FUS: variants seen among roughly 807,000 people sequenced by gnomAD.
The protein encoded by FUS is FUS RNA binding protein.
FUS carries 5 observed loss-of-function variants against 82.7 expected under a neutral mutation model. The ratio of observed to expected loss-of-function variants is 0.06; its 90% CI spans 0.03 to 0.13. FUS has a LOEUF of 0.13. Among genes scored for constraint, FUS ranks in the 10% least tolerant of loss-of-function variants. The pLI is 1.00. For missense variants in FUS, 512 were observed against 707.8 expected, an observed-to-expected ratio of 0.72 and a Z score of 3.14; for synonymous variants, 281 against 247.4, an observed-to-expected ratio of 1.14 and a Z score of -1.27.
At chr16:31,186,265 C>A (rs893764219) in intron 6 of FUS, 2 of 264,054 alleles carry the variant, frequency 7.6e-6, no homozygotes, top group Non-Finnish European at 1.5e-5. Context: ...AGATCAAAAA[C>A]AGCTCAGTAG....
chr16:31,183,981 C>T lies in FUS; in HGVS notation c.314C>T (p.Ala105Val), dbSNP rs1421492308. ...SSYPGYGQQP[A>V]PSSTSGSYGS... is the part of the protein sequence containing the mutation. The stretch of plus-strand genomic sequence containing the variant: ...TACCCTGGCTATGGCCAGCAGCCAG[C>T]TCCCAGCAGCACCTCGGGAAGGTAC... Residue 105 changes from alanine (A) to valine (V), a missense_variant, in exon 4 of 15, where the codon GCT (alanine) becomes GTT (valine). Coordinates refer to ENST00000254108, the MANE Select transcript of FUS (RefSeq NM_004960.4). 6.8e-6 allele frequency: 11 copies of T among 1,614,132 alleles called. No homozygotes were observed. The highest frequency in any genetic ancestry group is 9.3e-6 in the Non-Finnish European group (11 of 1,180,024).
chr16:31,194,154 C>CA (rs1359030258), downstream of FUS: 12 of 531,730 alleles, frequency 2.3e-5, no homozygotes, highest in Non-Finnish European at 3.6e-5. Flanking sequence ...TCCTGGGTTT[C>CA]AGTACTTGGA....
chr16:31,184,274 C>G lies in FUS; in HGVS notation c.401C>G (p.Pro134Arg). The change falls in exon 5 of 15, where the codon CCT (proline) becomes CGT (arginine). Residue 134 changes from proline to arginine, a missense_variant. Physicochemically the swap from Pro to Arg is moderately radical, Grantham distance 103. Around this residue, in one of 6 missense-constraint regions of FUS, gnomAD observed 276 missense variants for 303.3 expected, o/e 0.91. Transcript: ENST00000254108. ...QPQSGSYSQQPSYGGQQQSYG... is the reference protein window; with the variant it reads ...QPQSGSYSQQRSYGGQQQSYG... ...CAGAGTGGGAGCTACAGCCAGCAGC[C>G]TAGCTATGGTGGACAGCAGCAAAGC... 6.2e-7 allele frequency: 1 copy of G among 1,614,052 alleles called. No homozygotes were observed.
intron 14 of FUS, 93 bp from the exon 15 acceptor site, chr16:31,191,306 G>A (rs72550885): frequency 7.1e-6 from 11 of 1,540,848 alleles, no homozygotes; most frequent in Non-Finnish European, 9.9e-6. Context: ...ATACTCGCTG[G>A]GTTAGGTAGG....
rs752123835 is a variant in FUS at position 31,190,410 on chromosome 16, T to G, written c.1292+12T>G. ...AAGTGTCCTAATCCGTGAGTGAAAC[T>G]TAATTTTTTTCTTAGTTCTCTTGCA... On this transcript the variant is annotated intron_variant, in intron 12 of 14. Transcript: ENST00000254108. 17 of 1,613,996 alleles carry G rather than the reference T, an allele frequency of 1.1e-5. No homozygotes were observed. The highest frequency in any genetic ancestry group is 1.4e-5 in the Non-Finnish European group (17 of 1,180,014).
rs764194698 is a variant in FUS at position 31,184,251 on chromosome 16, G to A, written c.378G>A (p.Gln126=). ...AGAGCAGCAGCTATGGGCAGCCCCA[G>A]AGTGGGAGCTACAGCCAGCAGCCTA... The part of the protein sequence containing the change: ...SSQSSSYGQP[Q]SGSYSQQPSY... The change falls in exon 5 of 15, where the codon CAG becomes CAA. Residue 126 remains glutamine (Q), a synonymous_variant. Transcript: ENST00000254108. The A allele has an allele frequency of 2.2e-5, 35 of 1,614,152 alleles. 1 individual carries two copies. The South Asian group carries it at 3.7e-4, about 17-fold the overall frequency.
intron 3 of FUS, 128 bp from the exon 4 acceptor site, chr16:31,183,730 T>A: frequency 8.8e-7 from 1 of 1,140,498 alleles, no homozygotes; most frequent in Non-Finnish European, 1.3e-6. Flanking sequence ...TGCCTATGAG[T>A]TGCAACATCA....
downstream of FUS, chr16:31,194,463 T>A (rs1156799783): frequency 8.0e-6 from 4 of 501,212 alleles, no homozygotes; most frequent in East Asian, 4.5e-5. Flanking sequence ...CTGGCTAATT[T>A]TTTTTTGTAT....
At chr16:31,192,266 GC>G, downstream of FUS, 1 of 526,776 alleles carries the variant, frequency 1.9e-6, no homozygotes. Flanking sequence ...AGGGTGGAAG[GC>G]CCTCCTAAGG....
At chr16:31,190,449 A>T (rs778655362) in intron 12 of FUS, 51 bp downstream of exon 12, 2 of 1,612,554 alleles carry the variant, frequency 1.2e-6, no homozygotes, top group Non-Finnish European at 1.7e-6. Flanking sequence ...GTGCTCTTTG[A>T]TATATTGGTA....
rs376953672 is a variant in FUS at position 31,189,106 on chromosome 16, C to T, written c.833-17C>T. The T allele has an allele frequency of 8.6e-5, 136 of 1,582,380 alleles. No homozygotes were observed. The highest frequency in any genetic ancestry group is 1.7e-4 in the Middle Eastern group (1 of 6,020). On this transcript the variant is annotated splice_polypyrimidine_tract_variant and intron_variant, in intron 8 of 14. Coordinates refer to ENST00000254108, the MANE Select transcript of FUS (RefSeq NM_004960.4). The stretch of plus-strand genomic sequence containing the variant: ...TTTTACCTTTTCACATTTGCATTTT[C>T]TCTGTTCAACAAGCAGAACAGGATA...
chr16:31,188,437 A>G, intron 8 of FUS, 80 bp downstream of exon 8: 1 of 1,478,022 alleles, frequency 6.8e-7, no homozygotes, highest in Non-Finnish European at 9.4e-7. Flanking sequence ...AACTATTATA[A>G]AAAGGAAACT....
chr16:31,193,641 G>C (rs1000688424), downstream of FUS: 2 of 529,988 alleles, frequency 3.8e-6, no homozygotes, highest in Non-Finnish European at 7.3e-6. Context: ...AGGGTCCCAG[G>C]TGACTGTTTA....
At chr16:31,186,463 T>C (rs2079271057) in intron 6 of FUS, 1 of 444,134 alleles carries the variant, frequency 2.3e-6, no homozygotes, top group Non-Finnish European at 4.1e-6. Context: ...TTAAACCAAC[T>C]ACTTGGTTGT....
chr16:31,184,029 G>C (rs1198922212), intron 4 of FUS, 27 bp downstream of exon 4: 15 of 1,613,906 alleles, frequency 9.3e-6, no homozygotes, highest in African/African-American at 6.7e-5. Flanking sequence ...GTCGGGGAAG[G>C]CTTGAAAAGA....
chr16:31,187,613 C>T, intron 7 of FUS: 1 of 231,444 alleles, frequency 4.3e-6, no homozygotes, highest in African/African-American at 2.2e-5. Flanking sequence ...AGATTTAAAG[C>T]CAAAGGTGTG....
At chr16:31,185,335 C>A in intron 6 of FUS, 156 bp downstream of exon 6, 1 of 885,860 alleles carries the variant, frequency 1.1e-6, no homozygotes, top group Non-Finnish European at 1.7e-6. Flanking sequence ...CTTTTTACAT[C>A]CCCATTTTAT....
In FUS at chr16:31,190,965, G is replaced by A. The variant is rs747547178; in HGVS notation, c.1396G>A (p.Gly466Ser). Residue 466 changes from glycine (G) to serine (S), a missense_variant and splice_region_variant, in exon 14 of 15, where the codon GGT becomes AGT. By Grantham distance (56) the Gly-to-Ser change is moderately conservative. Around this residue, in one of 6 missense-constraint regions of FUS, gnomAD observed 96 missense variants for 120.7 expected, o/e 0.80. Transcript: ENST00000254108. ...GGGPGGSHMGGNYGDDRRGGR... is the reference protein window; with the variant it reads ...GGGPGGSHMGSNYGDDRRGGR... Reference sequence around the variant, plus strand: ...AGATCTTGTTTCTTTTGTCCTAGGGGGTAACTACGGGGATGATCGTCGTGG... The same window carrying A: ...AGATCTTGTTTCTTTTGTCCTAGGGAGTAACTACGGGGATGATCGTCGTGG... 2.7e-5 allele frequency: 43 copies of A among 1,612,420 alleles called. No homozygotes were observed. The highest frequency in any genetic ancestry group is 3.1e-5 in the Non-Finnish European group (37 of 1,178,930).
chr16:31,183,563 C>T (rs2079213106), intron 3 of FUS: 1 of 439,826 alleles, frequency 2.3e-6, no homozygotes, highest in South Asian at 2.1e-5. Context: ...CGCACAGCTG[C>T]ATATTACAGT....
Sources: gnomAD v4.1 joint callset for allele counts on GRCh38, gnomAD v4.1.1 for gene constraint, gnomAD v4.1.1 regional missense constraint, MANE v1.5 for transcripts, NCBI Gene and HGNC (gene_info 2026-07-23, HGNC 2026-07-21) for gene names.